Variants in OPHN1 observed in about 807,000 individuals in gnomAD.
OPHN1 encodes oligophrenin-1.
In OPHN1, 11 loss-of-function variants were observed where a neutral mutation model predicts 60.7. The ratio of observed to expected loss-of-function variants is 0.18; its 90% CI spans 0.11 to 0.30. The LOEUF (loss-of-function observed/expected upper bound fraction) is 0.30. OPHN1 is among the 10% of genes least tolerant of loss of function. The pLI is 1.00. For missense variants in OPHN1, 449 were observed against 611.0 expected (o/e 0.73, Z 2.80); for synonymous variants, 226 against 222.6 (o/e 1.02, Z -0.14).
At position 68,071,115 on chromosome X, in the gene OPHN1, C is replaced by A. The variant is rs2076932441; in HGVS notation, c.1834+2037G>T. 11 of 998,296 alleles carry A rather than the reference C, an allele frequency of 1.1e-5. No individual in the cohort carries two copies. In the East Asian group the frequency reaches 3.3e-4, roughly 30 times the overall value. The allele number at this position is 998,296 out of a possible 1,213,427, so 82.3% of individuals were successfully genotyped here. A position where few individuals can be genotyped will look rare whatever the true frequency, so the allele number is the denominator to read the frequency against. On this transcript the variant is annotated intron_variant, in intron 20 of 24. Transcript: ENST00000355520. The stretch of plus-strand genomic sequence containing the variant: ...CCAGCATATTATTGATCAGGTGGAT[C>A]TTGTCTGCAAATTTAGCTCCACCCA...
chrX:68,154,286 C>A (rs1201256240), intron 15 of OPHN1, among the ~76,000 whole-genome samples: 1 of 112,358 alleles, frequency 8.9e-6, no homozygotes, highest in Non-Finnish European at 1.9e-5. Context: ...GCATAACTAG[C>A]AGATGGCAGG....
At chrX:68,404,610 T>G (rs1192455599) in intron 2 of OPHN1, among the ~76,000 whole-genome samples, 1 of 111,678 alleles carries the variant, frequency 9.0e-6, no homozygotes, top group Non-Finnish European at 1.9e-5. Context: ...ACAACCCAAA[T>G]GTTCATTGAT....
chrX:68,297,526 G>A (rs1490361010), intron 3 of OPHN1, among the ~76,000 whole-genome samples: 1 of 111,784 alleles, frequency 8.9e-6, no homozygotes, highest in Non-Finnish European at 1.9e-5. Flanking sequence ...AACCAAAATG[G>A]TCACCAATCT....
chrX:68,180,855 C>T (rs1301345067), intron 15 of OPHN1, among the ~76,000 whole-genome samples: 1 of 112,172 alleles, frequency 8.9e-6, no homozygotes, highest in African/African-American at 3.2e-5. Context: ...GCTTATCAAG[C>T]AGTCCTCATC....
At chrX:68,428,681 T>C (rs1372354271) in intron 2 of OPHN1, among the ~76,000 whole-genome samples, 2 of 112,222 alleles carry the variant, frequency 1.8e-5, no homozygotes, top group South Asian at 3.7e-4. Flanking sequence ...CATGCTGCTT[T>C]GTGATATGAG....
chrX:68,324,593 G>A (rs377315817), intron 2 of OPHN1, among the ~76,000 whole-genome samples: 35 of 97,728 alleles, frequency 3.6e-4, no homozygotes, highest in South Asian at 2.4e-3. Flanking sequence ...CAACCTGGGC[G>A]ACACAGTGAT....
At chrX:68,146,513 C>A (rs1302871347) in intron 15 of OPHN1, among the ~76,000 whole-genome samples, 1 of 112,172 alleles carries the variant, frequency 8.9e-6, no homozygotes, top group Non-Finnish European at 1.9e-5. Flanking sequence ...ATAAAGCTGG[C>A]CAAGAGTTAA....
chrX:68,354,754 C>CAA (rs57233437), intron 2 of OPHN1, among the ~76,000 whole-genome samples: 6,816 of 46,420 alleles, frequency 0.15, 915 homozygotes, highest in African/African-American at 0.4. Context: ...GACTCCGTCT[C>CAA]AAAAAAAAAA....
intron 21 of OPHN1, among the ~76,000 whole-genome samples, chrX:68,059,573 A>C (rs2076885614): frequency 8.9e-6 from 1 of 112,338 alleles, no homozygotes; most frequent in Admixed American, 9.5e-5. Context: ...AGTCCAAACA[A>C]GAAAATGTGG....
At chrX:68,146,198 G>T (rs2077263150) in intron 15 of OPHN1, among the ~76,000 whole-genome samples, 1 of 112,026 alleles carries the variant, frequency 8.9e-6, no homozygotes, top group Admixed American at 9.5e-5. Flanking sequence ...GCAGCATAAA[G>T]TCCACATTCT....
chrX:68,259,961 C>T (rs2077885008), intron 5 of OPHN1, among the ~76,000 whole-genome samples: 1 of 111,702 alleles, frequency 9.0e-6, no homozygotes, highest in African/African-American at 3.3e-5. Flanking sequence ...GTGGAAGGTG[C>T]TACAAAGGAG....
intron 5 of OPHN1, among the ~76,000 whole-genome samples, chrX:68,268,821 C>T (rs1304947145): frequency 3.6e-5 from 4 of 111,539 alleles, no homozygotes; most frequent in East Asian, 2.8e-4. Context: ...GCAGATGACA[C>T]GATTGTATAC....
At chrX:68,351,411 C>T (rs1177841607) in intron 2 of OPHN1, among the ~76,000 whole-genome samples, 1 of 111,629 alleles carries the variant, frequency 9.0e-6, no homozygotes, top group Non-Finnish European at 1.9e-5. Context: ...GTATATGATA[C>T]TATATATCCC....
At chrX:68,223,700 C>T (rs1314044759) in intron 6 of OPHN1, among the ~76,000 whole-genome samples, 1 of 110,747 alleles carries the variant, frequency 9.0e-6, no homozygotes, top group Non-Finnish European at 1.9e-5. Flanking sequence ...ATTGAAATAA[C>T]AATTAAAATG....
intron 21 of OPHN1, among the ~76,000 whole-genome samples, chrX:68,058,784 T>TC (rs1422033252): frequency 1.6e-4 from 18 of 111,868 alleles, no homozygotes; most frequent in African/African-American, 5.8e-4. Flanking sequence ...GGTGGTATTG[T>TC]CCCCACTTAC....
intron 2 of OPHN1, among the ~76,000 whole-genome samples, chrX:68,318,854 G>A (rs748825653): frequency 1.1e-3 from 118 of 111,358 alleles, no homozygotes; most frequent in African/African-American, 3.6e-3. Context: ...GTACTGCTCA[G>A]GTATTTTGGA....
At chrX:68,054,149 G>C (rs754574608) in intron 21 of OPHN1, among the ~76,000 whole-genome samples, 1 of 110,147 alleles carries the variant, frequency 9.1e-6, no homozygotes, top group Non-Finnish European at 1.9e-5. Context: ...AATATGTTTA[G>C]TGCAGGGCCA....
intron 2 of OPHN1, among the ~76,000 whole-genome samples, chrX:68,324,492 C>G (rs1364355651): frequency 9.4e-6 from 1 of 106,010 alleles, no homozygotes; most frequent in Non-Finnish European, 1.9e-5. Context: ...CGCTGTAGTC[C>G]CAGCTACTCC....
chrX:68,198,902 T>G (rs761611402), intron 11 of OPHN1, among the ~76,000 whole-genome samples: 4 of 111,631 alleles, frequency 3.6e-5, no homozygotes, highest in Non-Finnish European at 5.6e-5. Context: ...TTAATGACAG[T>G]CTTGTGGTTA....
Sources: allele counts gnomAD v4.1 joint callset (sites outside exome capture counted in the v4.1 genomes callset), GRCh38; gene constraint gnomAD v4.1.1; transcripts MANE v1.5; gene names NCBI Gene and HGNC (gene_info 2026-07-23, HGNC 2026-07-21).